The following ABCG1 variants were observed in gnomAD, a reference collection of about 807,000 sequenced individuals.
The protein encoded by ABCG1 is ATP binding cassette subfamily G member 1.
A neutral mutation model predicts 69.2 loss-of-function variants in ABCG1; 29 were observed. That is an observed-to-expected ratio of 0.42 (90% CI 0.31 to 0.57). The LOEUF is 0.57. ABCG1 is among the 20% of genes least tolerant of loss of function. ABCG1 has a pLI of 0.15. For missense variants in ABCG1, 718 were observed against 898.1 expected (o/e 0.80, Z 2.56); for synonymous variants, 370 against 374.8 (o/e 0.99, Z 0.15).
chr21:42,273,528 G>C lies in ABCG1; in HGVS notation c.537+93G>C. On this transcript the variant is annotated intron_variant, in intron 4 of 14. Coordinates refer to ENST00000398449, the MANE Select transcript of ABCG1 (RefSeq NM_016818.3). The surrounding 1 kb of genome is among the most constrained non-coding windows in gnomAD (Gnocchi z 5.3). ...GCACTGGCCGAGTGCCCAGCTGCGA[G>C]GGACCCAAGGGCTCTGCCACGCGGC... 1 of 1,449,094 alleles carries C rather than the reference G, an allele frequency of 6.9e-7. No individual in the cohort carries two copies. The highest frequency in any genetic ancestry group is 9.3e-7 in the Non-Finnish European group (1 of 1,075,432). The allele number at this position is 1,449,094 out of a possible 1,614,324, so 89.8% of individuals were successfully genotyped here. A position where few individuals can be genotyped will look rare whatever the true frequency, so the allele number is the denominator to read the frequency against.
chr21:42,243,447 C>CGTGTGT (rs869095111), intron 2 of ABCG1, among the ~76,000 whole-genome samples: 51 of 81,538 alleles, frequency 6.3e-4, no homozygotes, highest in East Asian at 2.9e-3. Context: ...TGTGTGTGCG[C>CGTGTGT]GTGTGTGTGT....
intron 2 of ABCG1, among the ~76,000 whole-genome samples, chr21:42,261,043 G>C (rs537645889): frequency 3.3e-5 from 5 of 152,036 alleles, no homozygotes; most frequent in Non-Finnish European, 7.4e-5. Flanking sequence ...GGATGGTCTC[G>C]ATCTCCTGAC....
rs766659108 is a variant in ABCG1 at position 42,288,550 on chromosome 21, T to C, written c.1224+238T>C. ...GGGGAAACCCCATCTCTGCTAAAAA[T>C]ACAAAAATTAGCCAGGCCTGGTAGT... On this transcript the variant is annotated intron_variant, in intron 10 of 14. Transcript: ENST00000398449. This position sits in a 1 kb window ranked among gnomAD's most constrained non-coding sequence, Gnocchi z 4.8. Among the ~76,000 whole-genome samples, 7 of 151,958 alleles carry C rather than the reference T, an allele frequency of 4.6e-5. No homozygotes were observed. Among genetic ancestry groups the C allele is most frequent in the Non-Finnish European group, 1.0e-4 (7 of 67,994 alleles).
chr21:42,219,929 C>T lies in ABCG1; in HGVS notation c.42+625C>T. ...GGCAAGCCCGGATTCCTGCCGGCCG[C>T]CTTTCTGCGCGCGCCGGAGAGAGAG... On this transcript the variant is annotated intron_variant, in intron 1 of 14. Coordinates refer to ENST00000398449, the MANE Select transcript of ABCG1 (RefSeq NM_016818.3). The surrounding 1 kb of genome is among the most constrained non-coding windows in gnomAD (Gnocchi z 5.3). The T allele has an allele frequency of 6.4e-7, 1 of 1,550,872 alleles. No individual in the cohort carries two copies. The highest frequency in any genetic ancestry group is 8.7e-7 in the Non-Finnish European group (1 of 1,146,732).
Position 42,293,101 on chromosome 21 carries a change from C to T in ABCG1, c.1654-1441C>T, listed in dbSNP as rs577981678. Among the ~76,000 whole-genome samples the T allele has an allele frequency of 4.1e-3, 460 of 111,640 alleles. 11 individuals are homozygous for T. Among genetic ancestry groups the T allele is most frequent in the African/African-American group, 0.015 (422 of 27,982 alleles). 73.2% of individuals were successfully genotyped at this position (111,640 alleles called of 152,430 possible). The stretch of plus-strand genomic sequence containing the variant: ...CACCACACACACTACACACCACACA[C>T]GGTACACACCACACACTACACACAC... On this transcript the variant is annotated intron_variant, in intron 13 of 14. Coordinates refer to ENST00000398449, the MANE Select transcript of ABCG1 (RefSeq NM_016818.3).
At chr21:42,232,829 T>C (rs528348877) in intron 2 of ABCG1, among the ~76,000 whole-genome samples, 2 of 152,350 alleles carry the variant, frequency 1.3e-5, no homozygotes, top group East Asian at 3.9e-4. Flanking sequence ...TGTTTATAAA[T>C]TGGCAGGAAG....
intron 6 of ABCG1, among the ~76,000 whole-genome samples, chr21:42,284,287 C>T (rs1339585463): frequency 2.0e-5 from 3 of 150,212 alleles, no homozygotes; most frequent in Non-Finnish European, 3.0e-5. Context: ...GAGTGGGGAC[C>T]CCCCCCCAGT....
At chr21:42,220,007 T>C in intron 1 of ABCG1, 1 of 1,553,488 alleles carries the variant, frequency 6.4e-7, no homozygotes, top group South Asian at 1.2e-5. Flanking sequence ...CGGAGAGGGA[T>C]GGCGGGGTGT....
In ABCG1 at chr21:42,288,094, C is replaced by T. The variant is rs1282228901; in HGVS notation, c.1122+57C>T. 6.2e-7 allele frequency: 1 copy of T among 1,606,570 alleles called. No individual in the cohort carries two copies. The highest frequency in any genetic ancestry group is 8.5e-7 in the Non-Finnish European group (1 of 1,173,948). ...GAAAGGTAATGCAAATCCCGAAGCC[C>T]CCTGGGGGAGGCTGCACGTGGCACC... On this transcript the variant is annotated intron_variant, in intron 9 of 14. Transcript: ENST00000398449. This position sits in a 1 kb window ranked among gnomAD's most constrained non-coding sequence, Gnocchi z 4.8.
chr21:42,291,486 C>T lies in ABCG1; in HGVS notation c.1495-12C>T, dbSNP rs966942397. Reference sequence around the variant, plus strand: ...GCGGCTGAGCCCGCGGCTGACGGGTCCTTGTTTCCAGATCATGTTCCCAGT... The same window carrying T: ...GCGGCTGAGCCCGCGGCTGACGGGTTCTTGTTTCCAGATCATGTTCCCAGT... On this transcript the variant is annotated splice_polypyrimidine_tract_variant and intron_variant, in intron 12 of 14. Transcript: ENST00000398449. This position sits in a 1 kb window ranked among gnomAD's most constrained non-coding sequence, Gnocchi z 6.4. 2 of 1,602,640 alleles carry T rather than the reference C, an allele frequency of 1.2e-6. No homozygotes were observed. Among genetic ancestry groups the T allele is most frequent in the Non-Finnish European group, 1.7e-6 (2 of 1,171,160 alleles).
In ABCG1 at chr21:42,288,394, T is replaced by A. The variant is rs2068989739; in HGVS notation, c.1224+82T>A. 4 of 1,011,590 alleles carry A rather than the reference T, an allele frequency of 4.0e-6. No individual in the cohort carries two copies. The highest frequency in any genetic ancestry group is 6.0e-6 in the Non-Finnish European group (4 of 662,346). The allele number at this position is 1,011,590 out of a possible 1,614,324, so 62.7% of individuals were successfully genotyped here. A position where few individuals can be genotyped will look rare whatever the true frequency, so the allele number is the denominator to read the frequency against. On this transcript the variant is annotated intron_variant, in intron 10 of 14. Transcript: ENST00000398449. This position sits in a 1 kb window ranked among gnomAD's most constrained non-coding sequence, Gnocchi z 4.8. ...ACTCGTCCTGACGGAATGTGTTCGT[T>A]CATTCTCACATTGCTATAAAGAAAT...
At chr21:42,235,250 G>A (rs1393367943) in intron 2 of ABCG1, among the ~76,000 whole-genome samples, 6 of 152,202 alleles carry the variant, frequency 3.9e-5, no homozygotes, top group African/African-American at 1.2e-4. Context: ...GGGAGACCCC[G>A]GGAATGGAAA....
chr21:42,223,885 C>A (rs745744855), intron 1 of ABCG1, among the ~76,000 whole-genome samples: 10 of 152,214 alleles, frequency 6.6e-5, no homozygotes, highest in Non-Finnish European at 1.3e-4. Flanking sequence ...TGTCCCTGGG[C>A]TTCAGCAGGG....
At chr21:42,260,027 G>A (rs1475869208) in intron 2 of ABCG1, 1 of 1,549,378 alleles carries the variant, frequency 6.5e-7, no homozygotes, top group Non-Finnish European at 8.7e-7. Context: ...TCCAAGTCCA[G>A]GGAGGGCCCC....
In ABCG1 at chr21:42,219,909, G is replaced by T; in HGVS notation, c.42+605G>T. ...GCCCGGGGAGACCCGCGAGGGGCAA[G>T]CCCGGATTCCTGCCGGCCGCCTTTC... On this transcript the variant is annotated intron_variant, in intron 1 of 14. Coordinates refer to ENST00000398449, the MANE Select transcript of ABCG1 (RefSeq NM_016818.3). The surrounding 1 kb of genome is among the most constrained non-coding windows in gnomAD (Gnocchi z 5.3). 1 of 1,548,964 alleles carries T rather than the reference G, an allele frequency of 6.5e-7. No homozygotes were observed.
At position 42,285,936 on chromosome 21, in the gene ABCG1, G is replaced by A; in HGVS notation, c.915G>A (p.Val305=). The change falls in exon 8 of 15, where the codon GTG becomes GTA. Residue 305 remains valine, a synonymous_variant. Transcript: ENST00000398449. The stretch of plus-strand genomic sequence containing the variant: ...ACCGGGGAAAAGTCTGCAATCTTGT[G>A]CCATATTTGAGGGATTTGGGTCTGA... ...CVYRGKVCNL[V]PYLRDLGLNC... 1 of 1,614,110 alleles carries A rather than the reference G, an allele frequency of 6.2e-7. No homozygotes were observed. The highest frequency in any genetic ancestry group is 8.5e-7 in the Non-Finnish European group (1 of 1,180,006).
At chr21:42,236,720 A>G (rs2067983157) in intron 2 of ABCG1, among the ~76,000 whole-genome samples, 1 of 152,212 alleles carries the variant, frequency 6.6e-6, no homozygotes, top group Non-Finnish European at 1.5e-5. Context: ...CACTAAGCCA[A>G]CAGGGGCACA....
At chr21:42,255,993 G>T in intron 2 of ABCG1, 1 of 397,086 alleles carries the variant, frequency 2.5e-6, no homozygotes, top group Non-Finnish European at 4.2e-6. Flanking sequence ...GAGTGAACCA[G>T]CTGGAGCCAG....
chr21:42,249,428 G>C (rs1189359267), intron 2 of ABCG1, among the ~76,000 whole-genome samples: 1 of 152,208 alleles, frequency 6.6e-6, no homozygotes, highest in Non-Finnish European at 1.5e-5. Flanking sequence ...TTTCACTTCT[G>C]CTTACTAGCT....
Sources: gnomAD v4.1 joint callset for allele counts (sites outside exome capture counted in the v4.1 genomes callset) on GRCh38, gnomAD v4.1.1 for gene constraint, Gnocchi (gnomAD v3.1) non-coding constraint, MANE v1.5 for transcripts, NCBI Gene and HGNC (gene_info 2026-07-23, HGNC 2026-07-21) for gene names.